Variants in GABBR1 observed in about 807,000 individuals in gnomAD.
GABBR1 encodes the protein GABA-B receptor, R1 subunit.
GABBR1 carries 35 observed loss-of-function variants against 117.7 expected under a neutral mutation model. The ratio of observed to expected loss-of-function variants is 0.30; its 90% CI spans 0.23 to 0.39. The LOEUF is 0.39. GABBR1 is among the 10% of genes least tolerant of loss of function. The probability of loss-of-function intolerance (pLI) is 1.00; values close to 1 mark genes in which losing one functional copy is unlikely to be tolerated. For missense variants in GABBR1, 709 were observed against 1,241.8 expected, an observed-to-expected ratio of 0.57 and a Z score of 6.45; for synonymous variants, 442 against 486.6, an observed-to-expected ratio of 0.91 and a Z score of 1.21.
Position 29,630,327 on chromosome 6 carries a change from C to G in GABBR1, c.475+131G>C, listed in dbSNP as rs1764827809. ...AGGTGATGGAGGAAAAAGGGACTTT[C>G]ATCTCCCCTTTCCAGTGTCCTCCCC... is the stretch of plus-strand genomic sequence containing the variant. On this transcript the variant is annotated intron_variant, in intron 4 of 22. Transcript: ENST00000377034. This position sits in a 1 kb window ranked among gnomAD's most constrained non-coding sequence, Gnocchi z 4.9. The G allele has an allele frequency of 1.3e-6, 1 of 774,964 alleles. No homozygotes were observed. Among genetic ancestry groups the G allele is most frequent in the African/African-American group, 1.7e-5 (1 of 57,360 alleles). The allele number at this position is 774,964 out of a possible 1,614,324, so 48.0% of individuals were successfully genotyped here. A position where few individuals can be genotyped will look rare whatever the true frequency, so the allele number is the denominator to read the frequency against.
intron 11 of GABBR1, among the ~76,000 whole-genome samples, chr6:29,617,352 A>G (rs1168854134): frequency 1.6e-5 from 2 of 127,062 alleles, no homozygotes; most frequent in Admixed American, 2.0e-4. Context: ...GCCAGGCTGG[A>G]GTGCAGTAGT....
intron 5 of GABBR1, 31 bp downstream of exon 5, chr6:29,629,056 C>A (rs773989090): frequency 1.2e-6 from 2 of 1,612,194 alleles, no homozygotes; most frequent in South Asian, 2.2e-5. Flanking sequence ...GAGGGCATTG[C>A]AGTGCGCGCG....
chr6:29,608,640 A>C lies in GABBR1; in HGVS notation c.1953T>G (p.Gly651=). 6.2e-7 allele frequency: 1 copy of C among 1,613,006 alleles called. No homozygotes were observed. ...GAAACTGGTTCCTCCCAATGTGGTAACCATCGAGCCCCAGGGGGAAGACAG... is the reference window on the plus strand; with the variant it reads ...GAAACTGGTTCCTCCCAATGTGGTACCCATCGAGCCCCAGGGGGAAGACAG... The part of the protein sequence containing the change: ...LAAVFPLGLD[G]YHIGRNQFPF... Residue 651 remains glycine (G), a synonymous_variant, in exon 16 of 23, where the codon GGT becomes GGG. Coordinates refer to ENST00000377034, the MANE Select transcript of GABBR1 (RefSeq NM_001470.4).
Position 29,602,317 on chromosome 6 carries a change from C to T in GABBR1, c.*1226G>A, listed in dbSNP as rs966256593. 6.5e-6 allele frequency: 1 copy of T among 153,344 alleles called. No individual in the cohort carries two copies. The highest frequency in any genetic ancestry group is 2.4e-5 in the African/African-American group (1 of 41,468). 9.5% of individuals were successfully genotyped at this position (153,344 alleles called of 1,614,324 possible). On this transcript the variant is annotated 3_prime_UTR_variant, in exon 23 of 23. Transcript: ENST00000377034. ...AGTGTGAAAGGGACACCACCTCCCACCCCATAGGTCCATCTGTCTATCCCA... is the reference window on the plus strand; with the variant it reads ...AGTGTGAAAGGGACACCACCTCCCATCCCATAGGTCCATCTGTCTATCCCA...
In GABBR1 at chr6:29,621,620, C is replaced by A; in HGVS notation, c.1131+132G>T. The A allele has an allele frequency of 1.3e-6, 1 of 781,508 alleles. No individual in the cohort carries two copies. The highest frequency in any genetic ancestry group is 2.2e-6 in the Non-Finnish European group (1 of 455,806). The allele number at this position is 781,508 out of a possible 1,614,324, so 48.4% of individuals were successfully genotyped here. ...AAGGGATGCAGTCAGAGCCAACAGA[C>A]AGAGACATCCTATGAATCGTCACCT... On this transcript the variant is annotated intron_variant, in intron 10 of 22. Coordinates refer to ENST00000377034, the MANE Select transcript of GABBR1 (RefSeq NM_001470.4). The surrounding 1 kb of genome is among the most constrained non-coding windows in gnomAD (Gnocchi z 5.0).
chr6:29,627,462 A>AC lies in GABBR1; in HGVS notation c.657+23dup. 7 of 403,302 alleles carry AC rather than the reference A, an allele frequency of 1.7e-5. No individual in the cohort carries two copies. The highest frequency in any genetic ancestry group is 2.8e-5 in the Non-Finnish European group (7 of 250,188). The allele number at this position is 403,302 out of a possible 1,614,324, so 25.0% of individuals were successfully genotyped here. On this transcript the variant is annotated intron_variant, in intron 6 of 22. Transcript: ENST00000377034. This position sits in a 1 kb window ranked among gnomAD's most constrained non-coding sequence, Gnocchi z 4.4. ...CCTGCCCCGCAAGCCCCCACCTCCC[A>AC]CCCACCCCCATGTCCAGGGCTACCT...
rs1443319407 is a variant in GABBR1, at chr6:29,632,276, C to T, written c.85+25G>A. ...AAAGGGAAGTGGAGCGAAGGAGGGCCGGAGGTCGTCGAAGAAGGATGCACC... is the reference window on the plus strand; with the variant it reads ...AAAGGGAAGTGGAGCGAAGGAGGGCTGGAGGTCGTCGAAGAAGGATGCACC... On this transcript the variant is annotated intron_variant, in intron 2 of 22. Coordinates refer to ENST00000377034, the MANE Select transcript of GABBR1 (RefSeq NM_001470.4). This position sits in a 1 kb window ranked among gnomAD's most constrained non-coding sequence, Gnocchi z 5.8. The T allele has an allele frequency of 3.0e-6, 4 of 1,334,436 alleles. No homozygotes were observed. Among genetic ancestry groups the T allele is most frequent in the Non-Finnish European group, 3.9e-6 (4 of 1,020,174 alleles). 82.7% of individuals were successfully genotyped at this position (1,334,436 alleles called of 1,614,324 possible).
rs143955994 is a variant in GABBR1, at chr6:29,603,521, C to T, written c.*22G>A. On this transcript the variant is annotated 3_prime_UTR_variant, in exon 23 of 23. Coordinates refer to ENST00000377034, the MANE Select transcript of GABBR1 (RefSeq NM_001470.4). ...CTCTCCCTTTCCCTCCCCCTACTGG[C>T]CTGTCCTCCCTCACCCTACCCTCAC... The T allele has an allele frequency of 2.2e-4, 341 of 1,543,058 alleles. 5 individuals carry two copies. The East Asian group carries it at 8.0e-3, about 36-fold the overall frequency.
chr6:29,605,740 T>C lies in GABBR1; in HGVS notation c.2312-44A>G. ...GTCACTTGAGCAACAAGGACCACAA[T>C]GCTCCTCACTCAATCCCCATCCCCT... On this transcript the variant is annotated intron_variant, in intron 19 of 22. Transcript: ENST00000377034. This position sits in a 1 kb window ranked among gnomAD's most constrained non-coding sequence, Gnocchi z 4.2. 6.2e-7 allele frequency: 1 copy of C among 1,600,826 alleles called. No individual in the cohort carries two copies. The highest frequency in any genetic ancestry group is 1.3e-5 in the African/African-American group (1 of 74,996).
Position 29,607,388 on chromosome 6 carries a change from G to A in GABBR1, c.1993-170C>T, listed in dbSNP as rs577140857. 1.6e-4 allele frequency among the ~76,000 whole-genome samples: 25 copies of A among 152,196 alleles called. No homozygotes were observed. In the East Asian group the frequency reaches 4.8e-3, roughly 29 times the overall value. The stretch of plus-strand genomic sequence containing the variant: ...CAGGACGGGGAGCGGCAGGAGGAGA[G>A]CAGTCTCCCCACCTTGAACAATTCC... On this transcript the variant is annotated intron_variant, in intron 16 of 22. Transcript: ENST00000377034. This position sits in a 1 kb window ranked among gnomAD's most constrained non-coding sequence, Gnocchi z 5.0.
In GABBR1 at chr6:29,606,015, T is replaced by G; in HGVS notation, c.2312-319A>C. On this transcript the variant is annotated intron_variant, in intron 19 of 22. Coordinates refer to ENST00000377034, the MANE Select transcript of GABBR1 (RefSeq NM_001470.4). The surrounding 1 kb of genome is among the most constrained non-coding windows in gnomAD (Gnocchi z 4.5). The stretch of plus-strand genomic sequence containing the variant: ...ACATGCCTCACCCTTACCCTACAGG[T>G]GGGAAGGTGGCTTTCCAGGCAGAGG... The G allele has an allele frequency of 3.8e-6, 2 of 520,072 alleles. No homozygotes were observed. Among genetic ancestry groups the G allele is most frequent in the Non-Finnish European group, 3.4e-6 (1 of 292,176 alleles). The allele number at this position is 520,072 out of a possible 1,614,324, so 32.2% of individuals were successfully genotyped here.
At position 29,611,075 on chromosome 6, in the gene GABBR1, T is replaced by A; in HGVS notation, c.1631-74A>T. 1 of 1,157,736 alleles carries A rather than the reference T, an allele frequency of 8.6e-7. No individual in the cohort carries two copies. Among genetic ancestry groups the A allele is most frequent in the South Asian group, 1.2e-5 (1 of 81,288 alleles). The allele number at this position is 1,157,736 out of a possible 1,614,324, so 71.7% of individuals were successfully genotyped here. A position where few individuals can be genotyped will look rare whatever the true frequency, so the allele number is the denominator to read the frequency against. ...ATCCTAGGCATTTTCAACTTCCCACTTCCCTAGAGCTTTGCATGGTTGTAT... is the reference window on the plus strand; with the variant it reads ...ATCCTAGGCATTTTCAACTTCCCACATCCCTAGAGCTTTGCATGGTTGTAT... On this transcript the variant is annotated intron_variant, in intron 13 of 22. Transcript: ENST00000377034. This position sits in a 1 kb window ranked among gnomAD's most constrained non-coding sequence, Gnocchi z 4.6.
Position 29,607,095 on chromosome 6 carries a change from A to G in GABBR1, c.2109+7T>C. ...ATCTGGGGGCTGAGGATTGGGCAGC[A>G]GCTCACCTTCCTCCACTCCTTCTTT... is the stretch of plus-strand genomic sequence containing the variant. On this transcript the variant is annotated splice_region_variant and intron_variant, in intron 17 of 22. Coordinates refer to ENST00000377034, the MANE Select transcript of GABBR1 (RefSeq NM_001470.4). The surrounding 1 kb of genome is among the most constrained non-coding windows in gnomAD (Gnocchi z 5.0). 1 of 1,612,082 alleles carries G rather than the reference A, an allele frequency of 6.2e-7. No individual in the cohort carries two copies. Among genetic ancestry groups the G allele is most frequent in the Non-Finnish European group, 8.5e-7 (1 of 1,178,132 alleles).
At chr6:29,610,152 C>T (rs29260) in intron 14 of GABBR1, among the ~76,000 whole-genome samples, 350 of 151,642 alleles carry the variant, frequency 2.3e-3, no homozygotes, top group African/African-American at 6.5e-3. Context: ...CAGCCATCTT[C>T]AATGGTTGAG....
At chr6:29,625,274 T>C (rs1208591480) in intron 6 of GABBR1, among the ~76,000 whole-genome samples, 2 of 152,100 alleles carry the variant, frequency 1.3e-5, no homozygotes, top group Non-Finnish European at 2.9e-5. Context: ...CCCACCTTCC[T>C]GCACTCTCCC....
chr6:29,614,378 C>T (rs1000342470), intron 11 of GABBR1, among the ~76,000 whole-genome samples: 21 of 152,154 alleles, frequency 1.4e-4, no homozygotes, highest in Non-Finnish European at 2.9e-4. Context: ...GGGGACCATA[C>T]AAATAATTGT....
chr6:29,607,624 G>A lies in GABBR1; in HGVS notation c.1993-406C>T, dbSNP rs1227668088. On this transcript the variant is annotated intron_variant, in intron 16 of 22. Coordinates refer to ENST00000377034, the MANE Select transcript of GABBR1 (RefSeq NM_001470.4). This position sits in a 1 kb window ranked among gnomAD's most constrained non-coding sequence, Gnocchi z 5.0. ...CACACCTACCCCACGCTCCAGCCAT[G>A]CTGAACTACTCACTTTCTCTTCATC... 6.6e-6 allele frequency among the ~76,000 whole-genome samples: 1 copy of A among 152,166 alleles called. No homozygotes were observed. Among genetic ancestry groups the A allele is most frequent in the East Asian group, 1.9e-4 (1 of 5,200 alleles).
chr6:29,628,266 G>A, intron 5 of GABBR1: 5 of 843,966 alleles, frequency 5.9e-6, no homozygotes, highest in Non-Finnish European at 7.1e-6. Flanking sequence ...GGGGACCCGA[G>A]GGGAGGAGAA....
In GABBR1 at chr6:29,613,341, G is replaced by A. The variant is rs768981978; in HGVS notation, c.1468C>T (p.Arg490Cys). ...ALNKTSGGGG[R>C]SGVRLEDFNY... is the part of the protein sequence containing the mutation. ...AAGTCCTCCAGGCGCACACCAGAAC[G>A]GCCGCCTCCTCCAGATGTCTTGTTC... The change falls in exon 12 of 23, where the codon CGT (arginine) becomes TGT (cysteine). Residue 490 changes from arginine to cysteine, a missense_variant. By Grantham distance (180) the Arg-to-Cys change is radical. Coordinates refer to ENST00000377034, the MANE Select transcript of GABBR1 (RefSeq NM_001470.4). This position sits in a 1 kb window ranked among gnomAD's most constrained non-coding sequence, Gnocchi z 4.1. The A allele has an allele frequency of 1.1e-5, 17 of 1,612,952 alleles. No individual in the cohort carries two copies. Among genetic ancestry groups the A allele is most frequent in the African/African-American group, 1.3e-5 (1 of 74,936 alleles).
Sources: gnomAD v4.1 joint callset for allele counts (sites outside exome capture counted in the v4.1 genomes callset) on GRCh38, gnomAD v4.1.1 for gene constraint, Gnocchi (gnomAD v3.1) non-coding constraint, MANE v1.5 for transcripts, NCBI Gene and HGNC (gene_info 2026-07-23, HGNC 2026-07-21) for gene names.